XKR6: variants seen among roughly 807,000 people sequenced by gnomAD.
XKR6 encodes XK-related protein 6.
XKR6 carries 22 observed loss-of-function variants against 56.7 expected under a neutral mutation model. The ratio of observed to expected loss-of-function variants is 0.39; its 90% confidence interval spans 0.28 to 0.55. The LOEUF (loss-of-function observed/expected upper bound fraction) is 0.55, where lower values mean the gene tolerates loss of function less well. XKR6 is among the 20% of genes least tolerant of loss of function. XKR6 has a pLI of 0.66. For synonymous variants in XKR6, 524 were observed against 387.8 expected (o/e 1.35, Z -4.13); for missense variants, 852 against 889.0 (o/e 0.96, Z 0.53).
chr8:10,911,236 G>GTGTGTA (rs1247033643), intron 2 of XKR6, among the ~76,000 whole-genome samples: 2 of 123,958 alleles, frequency 1.6e-5, no homozygotes, highest in African/African-American at 3.5e-5. Context: ...GTGTGTGTGT[G>GTGTGTA]TATAGAGAGA....
chr8:11,164,016 A>AT (rs1212334461), intron 1 of XKR6, among the ~76,000 whole-genome samples: 1 of 152,186 alleles, frequency 6.6e-6, no homozygotes, highest in Non-Finnish European at 1.5e-5. Flanking sequence ...TAATGTGAGC[A>AT]TGTTTTGGGG....
At chr8:10,978,183 G>A (rs936804975) in intron 1 of XKR6, among the ~76,000 whole-genome samples, 3 of 152,062 alleles carry the variant, frequency 2.0e-5, no homozygotes, top group Non-Finnish European at 2.9e-5. Context: ...GCCCTAACTC[G>A]CCATGATTCA....
At chr8:11,132,644 G>A (rs922613801) in intron 1 of XKR6, among the ~76,000 whole-genome samples, 1 of 151,920 alleles carries the variant, frequency 6.6e-6, no homozygotes, top group Admixed American at 6.6e-5. Context: ...TGACACGTAC[G>A]AGCCACCGCG....
At chr8:11,147,257 A>G (rs1586614271) in intron 1 of XKR6, among the ~76,000 whole-genome samples, 1 of 152,156 alleles carries the variant, frequency 6.6e-6, no homozygotes, top group Admixed American at 6.5e-5. Context: ...TTATGTGTCA[A>G]TCATTTAAAA....
intron 1 of XKR6, among the ~76,000 whole-genome samples, chr8:10,975,342 C>A (rs140879223): frequency 2.0e-5 from 3 of 152,344 alleles, no homozygotes; most frequent in Admixed American, 6.5e-5. Context: ...TTGAGGCCAG[C>A]TGCTGCCCAC....
chr8:11,000,048 G>A (rs1240970937), intron 1 of XKR6, among the ~76,000 whole-genome samples: 1 of 152,140 alleles, frequency 6.6e-6, no homozygotes, highest in East Asian at 1.9e-4. Flanking sequence ...ACTTTGAGGA[G>A]GGCTGAAGAA....
At chr8:11,111,138 G>A (rs1441259304) in intron 1 of XKR6, among the ~76,000 whole-genome samples, 1 of 151,600 alleles carries the variant, frequency 6.6e-6, no homozygotes, top group Admixed American at 6.6e-5. Context: ...ACAGGCGTGA[G>A]CCACTGCGCC....
intron 1 of XKR6, among the ~76,000 whole-genome samples, chr8:10,957,911 T>C (rs568652494): frequency 8.1e-4 from 120 of 148,232 alleles, no homozygotes; most frequent in African/African-American, 3.0e-3. Context: ...TTTTAAAAAC[T>C]GAATCAAAGT....
intron 1 of XKR6, among the ~76,000 whole-genome samples, chr8:11,019,032 C>T (rs962595352): frequency 3.3e-5 from 5 of 152,184 alleles, no homozygotes; most frequent in African/African-American, 1.2e-4. Context: ...TCACCCACTC[C>T]CCCAGTTAAA....
At chr8:10,989,551 T>C (rs1797940725) in intron 1 of XKR6, among the ~76,000 whole-genome samples, 1 of 152,164 alleles carries the variant, frequency 6.6e-6, no homozygotes, top group Non-Finnish European at 1.5e-5. Context: ...AGCAGAGTGG[T>C]TGGAAGAAGA....
Position 11,201,307 on chromosome 8 carries a change from C to T in XKR6, c.33G>A (p.Gly11=), listed in dbSNP as rs1315013773. 1 of 1,580,038 alleles carries T rather than the reference C, an allele frequency of 6.3e-7. No homozygotes were observed. Among genetic ancestry groups the T allele is most frequent in the South Asian group, 1.1e-5 (1 of 89,134 alleles). The change falls in exon 1 of 3, where the codon GGG becomes GGA. Residue 11 remains glycine (G), a synonymous_variant. Coordinates refer to ENST00000416569, the MANE Select transcript of XKR6 (RefSeq NM_173683.4). The part of the protein sequence containing the change: MAAKSDGGGV[G]VGFAQLHNLD... ...GGTTGTGCAGCTGAGCGAAGCCCAC[C>T]CCCACGCCACCGCCATCGGATTTCG...
chr8:10,945,244 G>T (rs1801499935), intron 1 of XKR6, among the ~76,000 whole-genome samples: 1 of 152,200 alleles, frequency 6.6e-6, no homozygotes, highest in Non-Finnish European at 1.5e-5. Flanking sequence ...AGCACTTTGG[G>T]AGGCCAAGGC....
intron 1 of XKR6, among the ~76,000 whole-genome samples, chr8:11,006,246 G>A (rs1169987574): frequency 1.3e-5 from 2 of 152,174 alleles, no homozygotes; most frequent in South Asian, 2.1e-4. Context: ...GAGAACAAAT[G>A]GAAGCAGAAG....
intron 1 of XKR6, chr8:11,114,216 C>T (rs562338218): frequency 2.0e-5 from 6 of 300,236 alleles, no homozygotes; most frequent in South Asian, 1.4e-4. Flanking sequence ...CACATTTCTA[C>T]ACAGAGAATC....
chr8:10,903,685 A>G (rs960084859), intron 2 of XKR6, among the ~76,000 whole-genome samples: 76 of 152,154 alleles, frequency 5.0e-4, no homozygotes, highest in Non-Finnish European at 9.9e-4. Flanking sequence ...GTACACACAC[A>G]GGGGGATGAC....
At chr8:11,072,852 C>T (rs948464919) in intron 1 of XKR6, among the ~76,000 whole-genome samples, 1 of 151,896 alleles carries the variant, frequency 6.6e-6, no homozygotes, top group Admixed American at 6.6e-5. Context: ...GGGTTTGAGA[C>T]CAGCCTGGCC....
intron 1 of XKR6, among the ~76,000 whole-genome samples, chr8:11,147,872 G>C (rs1005250776): frequency 2.6e-5 from 4 of 152,042 alleles, no homozygotes; most frequent in African/African-American, 4.8e-5. Flanking sequence ...CAGTATCTCA[G>C]AATGTGGCTG....
intron 1 of XKR6, among the ~76,000 whole-genome samples, chr8:11,038,916 G>A (rs1281370170): frequency 6.6e-6 from 1 of 151,926 alleles, no homozygotes; most frequent in African/African-American, 2.4e-5. Context: ...GGGCTTCTGA[G>A]GCTTTAGCTA....
At chr8:10,930,955 G>T (rs1801034328) in intron 1 of XKR6, among the ~76,000 whole-genome samples, 1 of 152,110 alleles carries the variant, frequency 6.6e-6, no homozygotes, top group Non-Finnish European at 1.5e-5. Flanking sequence ...AATAAATACA[G>T]AAAGTATATG....
Sources: allele counts gnomAD v4.1 joint callset (sites outside exome capture counted in the v4.1 genomes callset), GRCh38; gene constraint gnomAD v4.1.1; transcripts MANE v1.5; gene names NCBI Gene and HGNC (gene_info 2026-07-23, HGNC 2026-07-21).